The following RGS7 variants were observed in gnomAD, a reference collection of about 807,000 sequenced individuals.
RGS7 encodes the protein regulator of G protein signaling 7, also known as regulator of G-protein signaling 7.
Under a neutral mutation model 81.1 loss-of-function variants are expected in RGS7, and 27 were observed. The observed-to-expected ratio is 0.33, with a 90% CI of 0.25 to 0.46. RGS7 has a LOEUF of 0.46. Ranked by LOEUF, RGS7 falls within the 20% of genes least tolerant of loss-of-function variation. The pLI, the probability that RGS7 is intolerant of heterozygous loss-of-function variation, is 1.00. For synonymous variants in RGS7, 208 were observed against 207.7 expected (o/e 1.00, Z -0.01); for missense variants, 396 against 607.4 (o/e 0.65, Z 3.66).
intron 2 of RGS7, among the ~76,000 whole-genome samples, chr1:241,200,541 G>A (rs1039676739): frequency 6.6e-6 from 1 of 152,116 alleles, no homozygotes; most frequent in Admixed American, 6.5e-5. Flanking sequence ...ACTTAAATTA[G>A]CTCCTTCCCT....
intron 4 of RGS7, among the ~76,000 whole-genome samples, chr1:240,959,898 G>A (rs930868405): frequency 1.3e-5 from 2 of 152,052 alleles, no homozygotes; most frequent in East Asian, 1.9e-4. Context: ...GGTGGCTCAC[G>A]CCTGTAATCC....
intron 4 of RGS7, among the ~76,000 whole-genome samples, chr1:240,964,730 C>A (rs964426153): frequency 4.6e-5 from 7 of 152,284 alleles, no homozygotes; most frequent in African/African-American, 7.2e-5. Flanking sequence ...TATTTTATCA[C>A]CCTATCATAT....
Position 241,355,748 on chromosome 1 carries a change from G to C in RGS7, c.29C>G (p.Thr10Ser). The change falls in exon 2 of 19, where the codon ACC (threonine) becomes AGC (serine). Residue 10 changes from threonine to serine, a missense_variant. Coordinates refer to ENST00000440928, the MANE Select transcript of RGS7 (RefSeq NM_001364886.1). ...TGATTCATCGGCCACCCCGTTGCTG[G>C]TCTGCCCATAATTATTCCCCTGGGC... MAQGNNYGQ[T>S]SNGVADESPN... 1 of 1,614,092 alleles carries C rather than the reference G, an allele frequency of 6.2e-7. No individual in the cohort carries two copies. The highest frequency in any genetic ancestry group is 8.5e-7 in the Non-Finnish European group (1 of 1,180,018).
chr1:241,337,904 T>C (rs938108436), intron 2 of RGS7, among the ~76,000 whole-genome samples: 1 of 152,252 alleles, frequency 6.6e-6, no homozygotes, highest in Admixed American at 6.5e-5. Context: ...ATTGTGCTAG[T>C]ATTTTCCATA....
At chr1:240,853,550 T>C (rs1660472841) in intron 9 of RGS7, among the ~76,000 whole-genome samples, 1 of 152,040 alleles carries the variant, frequency 6.6e-6, no homozygotes, top group African/African-American at 2.4e-5. Context: ...CTTGCAAAAA[T>C]TGGTTCAATC....
intron 2 of RGS7, among the ~76,000 whole-genome samples, chr1:241,180,651 C>G (rs1019037721): frequency 1.3e-5 from 2 of 152,192 alleles, no homozygotes; most frequent in African/African-American, 2.4e-5. Flanking sequence ...CCTGTAATTA[C>G]TCTTCTATTA....
At chr1:241,149,612 T>C (rs1197874890) in intron 2 of RGS7, among the ~76,000 whole-genome samples, 4 of 152,180 alleles carry the variant, frequency 2.6e-5, no homozygotes, top group African/African-American at 4.8e-5. Flanking sequence ...GGCTGGGCCA[T>C]GTCCTTTAAA....
chr1:241,189,392 T>C (rs151069830), intron 2 of RGS7, among the ~76,000 whole-genome samples: 132 of 152,308 alleles, frequency 8.7e-4, no homozygotes, highest in Non-Finnish European at 1.4e-3. Context: ...TGTTAGAAGT[T>C]CTATAGTCTA....
chr1:240,794,832 G>A (rs578231730), intron 18 of RGS7, among the ~76,000 whole-genome samples: 31 of 39,270 alleles, frequency 7.9e-4, no homozygotes, highest in Admixed American at 6.0e-3. Context: ...AGTTTTATAC[G>A]TTTTATAGGT....
intron 2 of RGS7, among the ~76,000 whole-genome samples, chr1:241,134,900 A>G (rs2067382204): frequency 6.6e-6 from 1 of 151,492 alleles, no homozygotes; most frequent in Non-Finnish European, 1.5e-5. Flanking sequence ...AAGACAGCGG[A>G]AGCAGGACGA....
chr1:240,932,936 T>C (rs1344650188), intron 5 of RGS7, among the ~76,000 whole-genome samples: 63 of 131,880 alleles, frequency 4.8e-4, no homozygotes, highest in African/African-American at 1.5e-3. Flanking sequence ...CAGGCTGGAC[T>C]GCAGTGGCGC....
At chr1:240,938,835 T>C (rs1002639062) in intron 4 of RGS7, among the ~76,000 whole-genome samples, 1 of 152,126 alleles carries the variant, frequency 6.6e-6, no homozygotes, top group Admixed American at 6.5e-5. Flanking sequence ...TGTGTGTGTG[T>C]GTGTGTGTGT....
chr1:241,156,132 TGATAGATA>T (rs72097170), intron 2 of RGS7, among the ~76,000 whole-genome samples: 11,290 of 146,920 alleles, frequency 0.077, 597 homozygotes, highest in East Asian at 0.26. Context: ...AGATAAATGA[TGATAGATA>T]GATAGATAGA....
chr1:241,265,321 T>C (rs76183525), intron 2 of RGS7, among the ~76,000 whole-genome samples: 19 of 152,190 alleles, frequency 1.2e-4, no homozygotes, highest in Non-Finnish European at 1.6e-4. Context: ...GAGAAGGCAA[T>C]CAAAACAAAC....
intron 3 of RGS7, among the ~76,000 whole-genome samples, chr1:241,031,551 C>T (rs763306349): frequency 1.2e-4 from 19 of 152,256 alleles, no homozygotes; most frequent in Non-Finnish European, 2.4e-4. Context: ...GAAAAATCTC[C>T]ATACTGTTTT....
At chr1:241,253,228 G>C (rs1378324898) in intron 2 of RGS7, among the ~76,000 whole-genome samples, 1 of 152,200 alleles carries the variant, frequency 6.6e-6, no homozygotes, top group Non-Finnish European at 1.5e-5. Context: ...CATGCTATTA[G>C]TAGGAGACAA....
In RGS7 at chr1:241,236,168, CCG is replaced by C. The variant is rs367869968; in HGVS notation, c.78+119529_78+119530del. ...GATATCACTGAGCAAATGACGACCT[CCG>C]CCCCCCATATTTTAGAAACAAATAA... On this transcript the variant is annotated intron_variant, in intron 2 of 18. Transcript: ENST00000440928. Among the ~76,000 whole-genome samples the C allele has an allele frequency of 7.3e-3, 520 of 70,806 alleles. 6 individuals carry two copies. The highest frequency in any genetic ancestry group is 0.019 in the African/African-American group (428 of 22,618). The allele number at this position is 70,806 out of a possible 152,430, so 46.5% of individuals were successfully genotyped here.
intron 2 of RGS7, among the ~76,000 whole-genome samples, chr1:241,280,389 T>C (rs1195954353): frequency 6.6e-6 from 1 of 152,242 alleles, no homozygotes; most frequent in East Asian, 1.9e-4. Context: ...TATGAGGCAA[T>C]ACATTTCTGT....
chr1:241,065,130 T>C (rs558783135), intron 3 of RGS7, among the ~76,000 whole-genome samples: 195 of 152,020 alleles, frequency 1.3e-3, no homozygotes, highest in Admixed American at 3.7e-3. Flanking sequence ...TGTGTGAGTC[T>C]TGATTTTCTC....
Sources: gnomAD v4.1 joint callset for allele counts (sites outside exome capture counted in the v4.1 genomes callset) on GRCh38, gnomAD v4.1.1 for gene constraint, MANE v1.5 for transcripts, NCBI Gene and HGNC (gene_info 2026-07-23, HGNC 2026-07-21) for gene names.